Variants in ATG9B observed in about 807,000 individuals in gnomAD.
ATG9B encodes autophagy-related protein 9B.
ATG9B carries 92 observed loss-of-function variants against 92.9 expected under a neutral mutation model. That is an observed-to-expected ratio of 0.99 (90% CI 0.84 to 1.18). The LOEUF is 1.18. Ranked by LOEUF, ATG9B falls within the 50% of genes most tolerant of loss-of-function variation. ATG9B has a pLI of 0.00. For synonymous variants in ATG9B, 599 were observed against 551.4 expected (o/e 1.09, Z -1.21); for missense variants, 1,344 against 1,235.0 (o/e 1.09, Z -1.32).
At chr7:151,012,696 G>A (rs1415398215), downstream of ATG9B, 2 of 500,712 alleles carry the variant, frequency 4.0e-6, no homozygotes, top group Non-Finnish European at 7.2e-6. Context: ...TGACTGGATT[G>A]AGGACAAAGG....
chr7:151,017,025 T>C lies in ATG9B; in HGVS notation c.2289+11A>G, dbSNP rs1179581327. On this transcript the variant is annotated intron_variant, in intron 9 of 13. Coordinates refer to ENST00000639579, the MANE Select transcript of ATG9B (RefSeq NM_001317056.2). ...GTGAAGGCAGAAGGGGAGGCCAGGC[T>C]TGGGACTCACCAGGGGCGAGGTGCA... 8.2e-6 allele frequency: 13 copies of C among 1,576,908 alleles called. No individual in the cohort carries two copies. Among genetic ancestry groups the C allele is most frequent in the Non-Finnish European group, 1.1e-5 (13 of 1,161,306 alleles).
chr7:151,013,948 G>GC, downstream of ATG9B: 10 of 1,602,822 alleles, frequency 6.2e-6, no homozygotes, highest in Middle Eastern at 1.7e-4. Context: ...GCCTGAGCGT[G>GC]CGGGGTTCCT....
At chr7:151,013,515 C>A, downstream of ATG9B, 1 of 1,231,338 alleles carries the variant, frequency 8.1e-7, no homozygotes, top group Non-Finnish European at 1.1e-6. Context: ...CACACTCTGG[C>A]CCACCCTTGT....
Position 151,017,835 on chromosome 7 carries a change from C to G in ATG9B, c.2052+36G>C, listed in dbSNP as rs928840790. 4.5e-6 allele frequency: 7 copies of G among 1,538,828 alleles called. No individual in the cohort carries two copies. In the Admixed American group the frequency reaches 1.4e-4, roughly 31 times the overall value. On this transcript the variant is annotated intron_variant, in intron 8 of 13. Coordinates refer to ENST00000639579, the MANE Select transcript of ATG9B (RefSeq NM_001317056.2). Reference sequence around the variant, plus strand: ...CCCGAGAGGCAAGCGAACTCCCACCCAGCCCAAACCCCCAGGGCCAGGGAA... The same window carrying G: ...CCCGAGAGGCAAGCGAACTCCCACCGAGCCCAAACCCCCAGGGCCAGGGAA...
At chr7:151,013,791 G>C, downstream of ATG9B, 1 of 1,611,162 alleles carries the variant, frequency 6.2e-7, no homozygotes, top group African/African-American at 1.3e-5. Flanking sequence ...TGCCTCGAGC[G>C]GGGCCACATG....
At position 151,023,140 on chromosome 7, in the gene ATG9B, A is replaced by C; in HGVS notation, c.726T>G (p.Phe242Leu). 6.2e-7 allele frequency: 1 copy of C among 1,614,194 alleles called. No homozygotes were observed. Among genetic ancestry groups the C allele is most frequent in the Non-Finnish European group, 8.5e-7 (1 of 1,180,038 alleles). ...LLRCVDYNVL[F>L]ANQPSNHTRP... ...TGGTATGGTTACTTGGTTGGTTGGCAAAGAGAACATTGTAATCCACGCATC... is the reference window on the plus strand; with the variant it reads ...TGGTATGGTTACTTGGTTGGTTGGCCAAGAGAACATTGTAATCCACGCATC... The change falls in exon 4 of 14, where the codon TTT becomes TTG. Residue 242 changes from phenylalanine (F) to leucine (L), a missense_variant. Coordinates refer to ENST00000639579, the MANE Select transcript of ATG9B (RefSeq NM_001317056.2).
chr7:151,018,604 G>A lies in ATG9B; in HGVS notation c.1718+16C>T. On this transcript the variant is annotated intron_variant, in intron 6 of 13. Coordinates refer to ENST00000639579, the MANE Select transcript of ATG9B (RefSeq NM_001317056.2). The surrounding 1 kb of genome is among the most constrained non-coding windows in gnomAD (Gnocchi z 4.7). ...AAACCAACACACACCACCACCCCGG[G>A]CATCTGCCGTCGCACCTGGCGACGG... 1.3e-6 allele frequency: 2 copies of A among 1,593,396 alleles called. No individual in the cohort carries two copies. The highest frequency in any genetic ancestry group is 8.5e-7 in the Non-Finnish European group (1 of 1,174,672).
At chr7:151,020,515 T>C (rs1253985658) in intron 5 of ATG9B, among the ~76,000 whole-genome samples, 2 of 152,220 alleles carry the variant, frequency 1.3e-5, no homozygotes, top group Non-Finnish European at 2.9e-5. Flanking sequence ...CTCCCCTTGC[T>C]GCACATAAAG....
Position 151,018,281 on chromosome 7 carries a change from C to T in ATG9B, c.1872+13G>A, listed in dbSNP as rs1296832871. The T allele has an allele frequency of 2.0e-6, 3 of 1,527,330 alleles. No homozygotes were observed. The highest frequency in any genetic ancestry group is 2.6e-6 in the Non-Finnish European group (3 of 1,146,002). The allele number at this position is 1,527,330 out of a possible 1,614,324, so 94.6% of individuals were successfully genotyped here. A position where few individuals can be genotyped will look rare whatever the true frequency, so the allele number is the denominator to read the frequency against. The stretch of plus-strand genomic sequence containing the variant: ...CAACTTCCTCCTCAGCCCGCCGTCG[C>T]GCCCACCCTCACCGCTCGGTACTGC... On this transcript the variant is annotated intron_variant, in intron 7 of 13. Coordinates refer to ENST00000639579, the MANE Select transcript of ATG9B (RefSeq NM_001317056.2). This position sits in a 1 kb window ranked among gnomAD's most constrained non-coding sequence, Gnocchi z 4.7.
In ATG9B at chr7:151,016,202, C is replaced by G. The variant is rs376001984; in HGVS notation, c.2554G>C (p.Gly852Arg). The change falls in exon 12 of 14, where the codon GGT becomes CGT. Residue 852 changes from glycine (G) to arginine (R), a missense_variant. Transcript: ENST00000639579. ...HQQQQQQEPW[G>R]EAAASILSRP... Reference sequence around the variant, plus strand: ...GACAGGATGGAGGCTGCAGCCTCACCCCACGGCTCCTGCTGCTGCTGCTGC... The same window carrying G: ...GACAGGATGGAGGCTGCAGCCTCACGCCACGGCTCCTGCTGCTGCTGCTGC... 11 of 1,510,838 alleles carry G rather than the reference C, an allele frequency of 7.3e-6. No homozygotes were observed. In the South Asian group the frequency reaches 1.4e-4, roughly 19 times the overall value. The allele number at this position is 1,510,838 out of a possible 1,614,324, so 93.6% of individuals were successfully genotyped here.
intron 10 of ATG9B, 38 bp from the exon 11 acceptor site, chr7:151,016,565 T>G: frequency 6.5e-7 from 1 of 1,537,036 alleles, no homozygotes; most frequent in Non-Finnish European, 8.8e-7. Flanking sequence ...AGTCATGCCC[T>G]CCTCCCGCCA....
chr7:151,021,743 G>A (rs1352475188), intron 4 of ATG9B, among the ~76,000 whole-genome samples: 3 of 150,646 alleles, frequency 2.0e-5, no homozygotes, highest in African/African-American at 4.9e-5. Context: ...TCCACCTCCC[G>A]GGTTCAAATG....
Position 151,018,991 on chromosome 7 carries a change from C to G in ATG9B, c.1347G>C (p.Leu449=), listed in dbSNP as rs1289807954. ...CCTGCCAGGCCAGCACCAGCGGGCT[C>G]AGCGCCAGGTTCAGGGCGGCCAGCA... The part of the protein sequence containing the change: ...VLLLAALNLA[L]SPLVLAWQVL... The change falls in exon 6 of 14, where the codon CTG becomes CTC. Residue 449 remains leucine (L), a synonymous_variant. Transcript: ENST00000639579. The surrounding 1 kb of genome is among the most constrained non-coding windows in gnomAD (Gnocchi z 4.7). 1 of 1,575,870 alleles carries G rather than the reference C, an allele frequency of 6.3e-7. No individual in the cohort carries two copies. The highest frequency in any genetic ancestry group is 8.6e-7 in the Non-Finnish European group (1 of 1,165,816).
rs1029771486 is a variant in ATG9B at position 151,019,090 on chromosome 7, C to T, written c.1248G>A (p.Trp416Ter). ...RGPFSLFRGG[W>*]ELPHAYKRSD... ...TGCGCTTGTAGGCGTGCGGCAGCTC[C>T]CAGCCCCCGCGGAAGAGCGAGAAGG... Residue 416 changes from tryptophan (W) to a stop codon, truncating the protein, a stop_gained, in exon 6 of 14, where the codon TGG becomes TGA. Coordinates refer to ENST00000639579, the MANE Select transcript of ATG9B (RefSeq NM_001317056.2). LOFTEE classifies it high-confidence loss of function. 6.5e-7 allele frequency: 1 copy of T among 1,535,900 alleles called. No individual in the cohort carries two copies. The highest frequency in any genetic ancestry group is 2.4e-5 in the East Asian group (1 of 40,870).
chr7:151,016,215 CTG>C lies in ATG9B; in HGVS notation c.2539_2540del (p.Gln847AlafsTer6). On this transcript the variant is annotated frameshift_variant, in exon 12 of 14. Coordinates refer to ENST00000639579, the MANE Select transcript of ATG9B (RefSeq NM_001317056.2). LOFTEE classifies it high-confidence loss of function. ...YLHQLHQQQQ[Q>X]QEPWGEAAAS... ...CTGCAGCCTCACCCCACGGCTCCTG[CTG>C]CTGCTGCTGCTGGTGAAGCTGCATG... is the stretch of plus-strand genomic sequence containing the variant. 1 of 1,493,016 alleles carries C rather than the reference CTG, an allele frequency of 6.7e-7. No individual in the cohort carries two copies. Among genetic ancestry groups the C allele is most frequent in the East Asian group, 2.5e-5 (1 of 40,382 alleles). The allele number at this position is 1,493,016 out of a possible 1,614,324, so 92.5% of individuals were successfully genotyped here. A position where few individuals can be genotyped will look rare whatever the true frequency, so the allele number is the denominator to read the frequency against.
At chr7:151,014,058 G>A, downstream of ATG9B, 1 of 1,613,820 alleles carries the variant, frequency 6.2e-7, no homozygotes, top group Non-Finnish European at 8.5e-7. Context: ...TGCGCACCCA[G>A]GAGGTGACAA....
At chr7:151,014,459 C>T (rs1795398299), downstream of ATG9B, 1 of 440,796 alleles carries the variant, frequency 2.3e-6, no homozygotes, top group East Asian at 3.5e-5. Context: ...ATGTTAGATT[C>T]CTCTTGCCTC....
At chr7:151,015,735 G>T in intron 13 of ATG9B, 22 bp from the exon 14 acceptor site, 1 of 1,136,514 alleles carries the variant, frequency 8.8e-7, no homozygotes, top group Non-Finnish European at 1.2e-6. Context: ...GACGGCTCTT[G>T]GCAAGCAGTC....
chr7:151,012,212 T>TGG, downstream of ATG9B: 4 of 683,922 alleles, frequency 5.8e-6, no homozygotes, highest in South Asian at 2.4e-5. Context: ...AGTAGAGTTG[T>TGG]TTTTTGTTTT....
Sources: gnomAD v4.1 joint callset for allele counts (sites outside exome capture counted in the v4.1 genomes callset) on GRCh38, gnomAD v4.1.1 for gene constraint, Gnocchi (gnomAD v3.1) non-coding constraint, MANE v1.5 for transcripts, NCBI Gene and HGNC (gene_info 2026-07-23, HGNC 2026-07-21) for gene names.